The following BLTP2 variants were observed in gnomAD, a reference collection of about 807,000 sequenced individuals.
BLTP2 encodes U937-associated antigen.
chr17:28,633,227 C>T, the BLTP2 span: 4 of 1,597,812 alleles, frequency 2.5e-6, no homozygotes, highest in Non-Finnish European at 3.4e-6. Flanking sequence ...GCTCTTCCCC[C>T]TCCCTCCAAC....
chr17:28,642,063 C>T, the BLTP2 span: 1 of 1,614,066 alleles, frequency 6.2e-7, no homozygotes, highest in South Asian at 1.1e-5. Context: ...GAAAGCTCCA[C>T]TAGGCAGGTG....
At chr17:28,616,864 G>A in the BLTP2 span, 2 of 1,603,242 alleles carry the variant, frequency 1.2e-6, no homozygotes, top group African/African-American at 1.3e-5. The surrounding 1 kb of genome is among the most constrained non-coding windows in gnomAD (Gnocchi z 4.8). Context: ...CTTGTTCCCA[G>A]GTCCCTAAGG....
chr17:28,643,626 G>A, the BLTP2 span: 1 of 1,614,064 alleles, frequency 6.2e-7, no homozygotes, highest in African/African-American at 1.3e-5. Flanking sequence ...TCATGGCTAA[G>A]GAGTTTGCTG....
chr17:28,615,345 C>A, the BLTP2 span: 1 of 1,086,882 alleles, frequency 9.2e-7, no homozygotes, highest in African/African-American at 1.6e-5. Flanking sequence ...TAAACACATC[C>A]AAGGCACAAT....
the BLTP2 span, among the ~76,000 whole-genome samples, chr17:28,629,052 T>C: frequency 6.6e-6 from 1 of 152,034 alleles, no homozygotes; most frequent in Non-Finnish European, 1.5e-5. Context: ...ATTTTATTCT[T>C]TATCAAAAAA....
At chr17:28,643,992 G>A in the BLTP2 span, 4 of 1,537,522 alleles carry the variant, frequency 2.6e-6, no homozygotes, top group Admixed American at 4.3e-5. Context: ...TTAAAAAAAG[G>A]AAATTAAGAG....
the BLTP2 span, chr17:28,643,530 C>A: frequency 6.9e-7 from 1 of 1,459,660 alleles, no homozygotes; most frequent in Non-Finnish European, 9.6e-7. Flanking sequence ...ATTGTGATGC[C>A]TCTGCAGAAG....
chr17:28,621,311 T>C, the BLTP2 span: 1 of 1,417,762 alleles, frequency 7.1e-7, no homozygotes, highest in Non-Finnish European at 1.0e-6. Context: ...CAGCATACAC[T>C]GACGTTAAGA....
the BLTP2 span, chr17:28,620,084 G>T: frequency 7.0e-7 from 1 of 1,421,216 alleles, no homozygotes; most frequent in East Asian, 2.3e-5. Flanking sequence ...GTGAAATAGA[G>T]AAAGGAGAAA....
the BLTP2 span, chr17:28,618,824 A>G: frequency 1.2e-6 from 2 of 1,614,058 alleles, no homozygotes; most frequent in South Asian, 2.2e-5. Flanking sequence ...GTTCTAATTC[A>G]GCAATTCCCA....
At chr17:28,620,375 G>A in the BLTP2 span, 13 of 1,017,430 alleles carry the variant, frequency 1.3e-5, no homozygotes, top group African/African-American at 4.8e-5. Flanking sequence ...TGTCACTGCC[G>A]ACTAAGAGAA....
the BLTP2 span, among the ~76,000 whole-genome samples, chr17:28,641,053 T>C: frequency 1.3e-5 from 2 of 152,212 alleles, no homozygotes; most frequent in Admixed American, 6.5e-5. Context: ...TTAGAGAATA[T>C]ACAGTCATCC....
chr17:28,644,231 A>G, the BLTP2 span: 30 of 1,600,128 alleles, frequency 1.9e-5, no homozygotes, highest in African/African-American at 3.4e-4. Context: ...TTTTCCAATG[A>G]TGGTTTCCCT....
chr17:28,637,089 A>G, the BLTP2 span: 1 of 1,614,176 alleles, frequency 6.2e-7, no homozygotes, highest in Non-Finnish European at 8.5e-7. Flanking sequence ...CACCAGCGCT[A>G]ACACAAGTCC....
chr17:28,638,290 A>T, the BLTP2 span: 1 of 1,613,170 alleles, frequency 6.2e-7, no homozygotes, highest in Non-Finnish European at 8.5e-7. Context: ...GCCTCACCCC[A>T]AACATGCATA....
chr17:28,637,717 G>A, the BLTP2 span: 2 of 882,008 alleles, frequency 2.3e-6, no homozygotes, highest in Non-Finnish European at 3.5e-6. Flanking sequence ...GTTTGCCCAG[G>A]CTCGAGTGCA....
the BLTP2 span, chr17:28,617,217 G>A: frequency 2.5e-6 from 4 of 1,607,098 alleles, no homozygotes; most frequent in Non-Finnish European, 3.4e-6. Context: ...CTAGGAAAGG[G>A]GAAAAAAGAC....
the BLTP2 span, chr17:28,644,023 C>A: frequency 6.2e-7 from 1 of 1,610,620 alleles, no homozygotes; most frequent in Non-Finnish European, 8.5e-7. Flanking sequence ...ATTGGATCAA[C>A]CCTACACACA....
chr17:28,620,391 C>G, the BLTP2 span: 7 of 1,197,848 alleles, frequency 5.8e-6, no homozygotes, highest in Non-Finnish European at 8.3e-6. Flanking sequence ...GAGAATCTAC[C>G]AACCACAAGG....
Sources: gnomAD v4.1 joint callset for allele counts (sites outside exome capture counted in the v4.1 genomes callset) on GRCh38, gnomAD v4.1.1 for gene constraint, Gnocchi (gnomAD v3.1) non-coding constraint, MANE v1.5 for transcripts, NCBI Gene and HGNC (gene_info 2026-07-23, HGNC 2026-07-21) for gene names.